WNT3: variants seen among roughly 807,000 people sequenced by gnomAD.
WNT3 encodes the protein proto-oncogene Wnt-3.
WNT3 carries 7 observed loss-of-function variants against 34.2 expected under a neutral mutation model. The ratio of observed to expected loss-of-function variants is 0.20; its 90% CI spans 0.12 to 0.38. The LOEUF (loss-of-function observed/expected upper bound fraction) is 0.38, where lower values mean the gene tolerates loss of function less well. Ranked by LOEUF, WNT3 falls within the 10% of genes least tolerant of loss-of-function variation. WNT3 has a pLI of 1.00. For missense variants in WNT3, 267 were observed against 499.8 expected (o/e 0.53, Z 4.44); for synonymous variants, 212 against 211.5 (o/e 1.00, Z -0.02).
chr17:46,803,412 T>C (rs2084152011), intron 1 of WNT3, among the ~76,000 whole-genome samples: 1 of 152,218 alleles, frequency 6.6e-6, no homozygotes, highest in African/African-American at 2.4e-5. Flanking sequence ...TGCACACCTA[T>C]GATCCCAGCT....
At chr17:46,816,578 T>C (rs768348184) in intron 1 of WNT3, among the ~76,000 whole-genome samples, 14 of 152,048 alleles carry the variant, frequency 9.2e-5, no homozygotes, top group Non-Finnish European at 1.9e-4. Context: ...AAACAAGCCA[T>C]GTGTCTAGCA....
At chr17:46,784,777 CTTTT>C (rs138267924) in intron 1 of WNT3, among the ~76,000 whole-genome samples, 16 of 129,258 alleles carry the variant, frequency 1.2e-4, no homozygotes, top group Non-Finnish European at 1.5e-4. Context: ...TTTTGCTTTT[CTTTT>C]TTTTTTTTTT....
chr17:46,781,205 G>A (rs1229949285), intron 1 of WNT3, among the ~76,000 whole-genome samples: 9 of 145,206 alleles, frequency 6.2e-5, no homozygotes, highest in Admixed American at 2.8e-4. Flanking sequence ...CAGCTTGGGC[G>A]ACAGAGCAAG....
intron 1 of WNT3, among the ~76,000 whole-genome samples, chr17:46,816,394 T>C (rs2084347307): frequency 6.6e-6 from 1 of 151,162 alleles, no homozygotes; most frequent in Non-Finnish European, 1.5e-5. Flanking sequence ...AGTAGCCCAG[T>C]TGCAGGCACA....
At chr17:46,786,972 C>G (rs2059511790) in intron 1 of WNT3, among the ~76,000 whole-genome samples, 1 of 150,492 alleles carries the variant, frequency 6.6e-6, no homozygotes, top group Non-Finnish European at 1.5e-5. Flanking sequence ...GGGTCTCACT[C>G]TGTCACACAG....
At position 46,768,948 on chromosome 17, in the gene WNT3, A is replaced by T; in HGVS notation, c.589-149T>A. The T allele has an allele frequency of 2.4e-6, 3 of 1,259,406 alleles. No homozygotes were observed. The highest frequency in any genetic ancestry group is 1.5e-5 in the African/African-American group (1 of 66,638). The allele number at this position is 1,259,406 out of a possible 1,614,324, so 78.0% of individuals were successfully genotyped here. A position where few individuals can be genotyped will look rare whatever the true frequency, so the allele number is the denominator to read the frequency against. ...GAGAACTGATGGGGACTGAGGCAAG[A>T]CCTAAAGAATAGTGACCATGTTTCC... On this transcript the variant is annotated intron_variant, in intron 3 of 4. Transcript: ENST00000225512. The surrounding 1 kb of genome is among the most constrained non-coding windows in gnomAD (Gnocchi z 5.0).
intron 4 of WNT3, among the ~76,000 whole-genome samples, chr17:46,765,180 G>A (rs1350426606): frequency 6.6e-6 from 1 of 152,194 alleles, no homozygotes; most frequent in African/African-American, 2.4e-5. Context: ...GCTCTTCTAG[G>A]GGGCTGACAA....
intron 1 of WNT3, among the ~76,000 whole-genome samples, chr17:46,814,743 G>A (rs912017471): frequency 1.3e-5 from 2 of 152,204 alleles, no homozygotes; most frequent in African/African-American, 4.8e-5. Context: ...GTGCCTCCCT[G>A]GGCCCAGCCC....
intron 1 of WNT3, among the ~76,000 whole-genome samples, chr17:46,791,399 G>A (rs1281424025): frequency 1.3e-5 from 2 of 152,056 alleles, no homozygotes; most frequent in South Asian, 2.1e-4. Flanking sequence ...TAGAGACGGG[G>A]TTTCAACATG....
chr17:46,793,269 GTC>G (rs2084010641), intron 1 of WNT3, among the ~76,000 whole-genome samples: 1 of 40,914 alleles, frequency 2.4e-5, no homozygotes, highest in Non-Finnish European at 5.0e-5. Flanking sequence ...GTGAGACCCT[GTC>G]TAAAAAAAAA....
chr17:46,804,535 G>A (rs2084168117), intron 1 of WNT3, among the ~76,000 whole-genome samples: 1 of 152,186 alleles, frequency 6.6e-6, no homozygotes, highest in Non-Finnish European at 1.5e-5. Context: ...GCTGATGGCA[G>A]GCCCCCTCTT....
intron 1 of WNT3, among the ~76,000 whole-genome samples, chr17:46,779,820 G>A (rs73304517): frequency 0.013 from 1,977 of 152,140 alleles, 42 homozygotes; most frequent in African/African-American, 0.046. Flanking sequence ...AGTACAAAGC[G>A]TGATCTTGGC....
intron 2 of WNT3, among the ~76,000 whole-genome samples, chr17:46,771,824 C>T (rs1212051182): frequency 7.0e-6 from 1 of 143,590 alleles, no homozygotes; most frequent in Non-Finnish European, 1.5e-5. Flanking sequence ...GCGGCGGCCG[C>T]GCGGTGGGGG....
In WNT3 at chr17:46,817,635, C is replaced by G. The variant is rs151256669; in HGVS notation, c.80+883G>C. 2.8e-5 allele frequency among the ~76,000 whole-genome samples: 4 copies of G among 143,014 alleles called. No homozygotes were observed. The East Asian group carries it at 7.1e-4, about 25-fold the overall frequency. 93.8% of individuals were successfully genotyped at this position (143,014 alleles called of 152,430 possible). On this transcript the variant is annotated intron_variant, in intron 1 of 4. Coordinates refer to ENST00000225512, the MANE Select transcript of WNT3 (RefSeq NM_030753.5). The stretch of plus-strand genomic sequence containing the variant: ...CCCAGGCCCCCCAGACACGCACAGC[C>G]CCCCCCAAGCACTGCTCCCGGCTTC...
chr17:46,776,160 G>T (rs2059410501), intron 1 of WNT3, among the ~76,000 whole-genome samples: 1 of 152,234 alleles, frequency 6.6e-6, no homozygotes, highest in Non-Finnish European at 1.5e-5. Context: ...GCCCATGGGG[G>T]TCATCACTAT....
At chr17:46,810,429 T>G (rs1568097223) in intron 1 of WNT3, among the ~76,000 whole-genome samples, 1 of 152,104 alleles carries the variant, frequency 6.6e-6, no homozygotes, top group South Asian at 2.1e-4. Flanking sequence ...TGATGCTCAA[T>G]GGAGAGCCCC....
At chr17:46,766,133 G>A (rs2146366354) in intron 4 of WNT3, among the ~76,000 whole-genome samples, 1 of 152,336 alleles carries the variant, frequency 6.6e-6, no homozygotes, top group East Asian at 1.9e-4. Context: ...TTCTGGCCGG[G>A]CGCGGTGGCT....
intron 1 of WNT3, among the ~76,000 whole-genome samples, chr17:46,812,271 G>A (rs2084286378): frequency 6.6e-6 from 1 of 152,226 alleles, no homozygotes; most frequent in African/African-American, 2.4e-5. Context: ...GACAGGGAGG[G>A]CCTGGATGGG....
chr17:46,788,418 G>C (rs2083934796), intron 1 of WNT3, among the ~76,000 whole-genome samples: 1 of 152,150 alleles, frequency 6.6e-6, no homozygotes, highest in African/African-American at 2.4e-5. Context: ...GGACTTTGCT[G>C]GGTCCCCACA....
Sources: allele counts gnomAD v4.1 joint callset (sites outside exome capture counted in the v4.1 genomes callset), GRCh38; gene constraint gnomAD v4.1.1; non-coding constraint Gnocchi (gnomAD v3.1); transcripts MANE v1.5; gene names NCBI Gene and HGNC (gene_info 2026-07-23, HGNC 2026-07-21).